ZNF560: variants seen among roughly 807,000 people sequenced by gnomAD.
ZNF560 encodes zinc finger protein 560.
Under a neutral mutation model 81.8 loss-of-function variants are expected in ZNF560, and 54 were observed. That is an observed-to-expected ratio of 0.66 (90% CI 0.53 to 0.83). The LOEUF (loss-of-function observed/expected upper bound fraction) is 0.83. Among genes scored for constraint, ZNF560 ranks in the 40% least tolerant of loss-of-function variants. The pLI, the probability that ZNF560 is intolerant of heterozygous loss-of-function variation, is 0.00. For synonymous variants in ZNF560, 321 were observed against 317.9 expected (o/e 1.01, Z -0.10); for missense variants, 940 against 932.4 (o/e 1.01, Z -0.11).
the ZNF560 span, among the ~76,000 whole-genome samples, chr19:9,459,366 A>C: frequency 3.3e-5 from 5 of 152,210 alleles, no homozygotes; most frequent in Non-Finnish European, 7.3e-5. Context: ...GAAAGGACCC[A>C]ATAACAAAAG....
intron 2 of ZNF560, among the ~76,000 whole-genome samples, chr19:9,486,755 A>G (rs2073390694): frequency 6.7e-6 from 1 of 149,904 alleles, no homozygotes; most frequent in Non-Finnish European, 1.5e-5. Flanking sequence ...AAAAAAGAAG[A>G]AAAGAAAAAA....
chr19:9,473,104 A>G (rs2073147543), intron 5 of ZNF560, 75 bp downstream of exon 5: 1 of 1,209,142 alleles, frequency 8.3e-7, no homozygotes, highest in Admixed American at 1.7e-5. Context: ...TTCTTGCAAC[A>G]CAAGAACAGA....
intron 8 of ZNF560, 22 bp from the exon 9 acceptor site, chr19:9,469,209 T>C (rs757252458): frequency 2.6e-6 from 4 of 1,522,936 alleles, no homozygotes; most frequent in Non-Finnish European, 3.6e-6. Flanking sequence ...GAGAAAAATA[T>C]ACATGAGAGT....
chr19:9,485,874 C>T (rs1187692096), intron 2 of ZNF560, among the ~76,000 whole-genome samples: 2 of 152,164 alleles, frequency 1.3e-5, no homozygotes, highest in African/African-American at 4.8e-5. Context: ...GAGAAACATG[C>T]TCAAGTATCT....
the ZNF560 span, among the ~76,000 whole-genome samples, chr19:9,504,380 A>C: frequency 2.0e-5 from 3 of 152,202 alleles, no homozygotes; most frequent in African/African-American, 7.2e-5. Flanking sequence ...GGTTGCAGTA[A>C]GCCGAAATTG....
intron 2 of ZNF560, among the ~76,000 whole-genome samples, chr19:9,488,749 A>G (rs1300625926): frequency 6.6e-6 from 1 of 152,198 alleles, no homozygotes; most frequent in African/African-American, 2.4e-5. Flanking sequence ...GATATGGAGC[A>G]CTGATATGGT....
At chr19:9,478,534 A>C (rs1346868382) in intron 2 of ZNF560, among the ~76,000 whole-genome samples, 1 of 152,220 alleles carries the variant, frequency 6.6e-6, no homozygotes, top group Admixed American at 6.5e-5. Context: ...TAAATGAATT[A>C]TATCCTTACG....
At chr19:9,485,048 G>A (rs2144715454) in intron 2 of ZNF560, among the ~76,000 whole-genome samples, 1 of 152,148 alleles carries the variant, frequency 6.6e-6, no homozygotes, top group Non-Finnish European at 1.5e-5. Flanking sequence ...TACTAAAAAG[G>A]AGAAAATCTG....
intron 2 of ZNF560, among the ~76,000 whole-genome samples, chr19:9,491,165 T>C (rs2073466727): frequency 6.6e-6 from 1 of 151,966 alleles, no homozygotes; most frequent in Non-Finnish European, 1.5e-5. Flanking sequence ...CAGGCTGGAG[T>C]GCAGTGGTGT....
downstream of ZNF560, among the ~76,000 whole-genome samples, chr19:9,463,421 A>G (rs904597965): frequency 6.6e-6 from 1 of 152,172 alleles, no homozygotes; most frequent in East Asian, 1.9e-4. Flanking sequence ...CTCATACTCC[A>G]ACAACTGTGA....
chr19:9,448,203 A>G, the ZNF560 span, among the ~76,000 whole-genome samples: 3 of 151,942 alleles, frequency 2.0e-5, no homozygotes, highest in Admixed American at 6.6e-5. Flanking sequence ...TAAATCCTTA[A>G]TGGAGTTTTT....
upstream of ZNF560, among the ~76,000 whole-genome samples, chr19:9,502,724 G>T (rs547594940): frequency 3.9e-5 from 6 of 152,026 alleles, no homozygotes; most frequent in Non-Finnish European, 8.8e-5. Context: ...CTTCATTTAG[G>T]TTATCTAACT....
At chr19:9,472,618 C>G (rs535420100) in intron 5 of ZNF560, among the ~76,000 whole-genome samples, 2 of 152,286 alleles carry the variant, frequency 1.3e-5, no homozygotes, top group South Asian at 4.1e-4. Flanking sequence ...ATGGGACCAT[C>G]TGGTTACAGG....
the ZNF560 span, among the ~76,000 whole-genome samples, chr19:9,453,489 G>A: frequency 1.3e-5 from 2 of 152,034 alleles, no homozygotes; most frequent in South Asian, 4.2e-4. Flanking sequence ...GAATGAAAAG[G>A]GGTATGCAAA....
rs962455739 is a variant in ZNF560, at chr19:9,466,580, T to A, written c.2367A>T (p.Thr789=). 24 of 1,590,376 alleles carry A rather than the reference T, an allele frequency of 1.5e-5. No individual in the cohort carries two copies. Among genetic ancestry groups the A allele is most frequent in the Non-Finnish European group, 2.0e-5 (23 of 1,166,622 alleles). The change falls in exon 10 of 10, where the codon ACA becomes ACT. Residue 789 remains threonine (T), a synonymous_variant. Transcript: ENST00000301480. The part of the protein sequence containing the change: ...SFSARIAHLK[T]H ...ACATCCACAGGGCTTCTCTCTAGTG[T>A]GTTTTCAAATGTGCAATACGAGCTG...
At chr19:9,506,357 A>T in the ZNF560 span, among the ~76,000 whole-genome samples, 425 of 151,412 alleles carry the variant, frequency 2.8e-3, 3 homozygotes, top group East Asian at 0.053. Flanking sequence ...TTGAATTTGT[A>T]CCTACTTAAC....
intron 2 of ZNF560, among the ~76,000 whole-genome samples, chr19:9,481,631 T>C (rs139153677): frequency 0.1 from 15,529 of 152,182 alleles, 941 homozygotes; most frequent in South Asian, 0.2. Context: ...ACAGACACTT[T>C]TCAAAAGAAG....
intron 2 of ZNF560, among the ~76,000 whole-genome samples, chr19:9,482,230 C>T (rs2144709147): frequency 6.6e-6 from 1 of 151,904 alleles, no homozygotes; most frequent in East Asian, 1.9e-4. Flanking sequence ...ACAATGAGAA[C>T]ACTTGGACAC....
intron 2 of ZNF560, among the ~76,000 whole-genome samples, chr19:9,490,315 T>C: frequency 6.6e-6 from 1 of 152,188 alleles, no homozygotes; most frequent in Non-Finnish European, 1.5e-5. Flanking sequence ...CCTGTTTCAA[T>C]GGGGATGATG....
Sources: gnomAD v4.1 joint callset for allele counts (sites outside exome capture counted in the v4.1 genomes callset) on GRCh38, gnomAD v4.1.1 for gene constraint, MANE v1.5 for transcripts, NCBI Gene and HGNC (gene_info 2026-07-23, HGNC 2026-07-21) for gene names.